Variants in PLXNA4 observed in about 807,000 individuals in gnomAD.
PLXNA4 encodes plexin A4, also known as plexin-A4.
Under a neutral mutation model 191.8 loss-of-function variants are expected in PLXNA4, and 44 were observed. That is an observed-to-expected ratio of 0.23 (90% confidence interval 0.18 to 0.29). PLXNA4 has a LOEUF of 0.29. Ranked by LOEUF, PLXNA4 falls within the 10% of genes least tolerant of loss-of-function variation. The pLI is 1.00. For missense variants in PLXNA4, 1,800 were observed against 2,488.8 expected (o/e 0.72, Z 5.89); for synonymous variants, 1,082 against 1,009.5 (o/e 1.07, Z -1.36).
chr7:132,234,427 G>A (rs1798627208), intron 5 of PLXNA4, among the ~76,000 whole-genome samples: 1 of 152,184 alleles, frequency 6.6e-6, no homozygotes. Flanking sequence ...GGGTGTGTAT[G>A]TCTGGAGTGA....
chr7:132,587,580 G>A (rs189782878), intron 2 of PLXNA4, among the ~76,000 whole-genome samples: 111 of 152,258 alleles, frequency 7.3e-4, no homozygotes, highest in Non-Finnish European at 1.5e-5. Flanking sequence ...GGTGCCATAA[G>A]CTTTGCATTG....
intron 2 of PLXNA4, among the ~76,000 whole-genome samples, chr7:132,644,873 C>G (rs1803835951): frequency 6.6e-6 from 1 of 152,226 alleles, no homozygotes; most frequent in Non-Finnish European, 1.5e-5. Context: ...ACCTCCCTCT[C>G]TCTCTCATAC....
At chr7:132,586,627 C>A (rs1802510600) in intron 2 of PLXNA4, among the ~76,000 whole-genome samples, 1 of 152,154 alleles carries the variant, frequency 6.6e-6, no homozygotes, top group African/African-American at 2.4e-5. Flanking sequence ...GTGGTGGGCA[C>A]CTGTAGTCCC....
chr7:132,473,414 T>C (rs183931343), intron 3 of PLXNA4, among the ~76,000 whole-genome samples: 98 of 152,266 alleles, frequency 6.4e-4, no homozygotes, highest in Middle Eastern at 3.4e-3. Flanking sequence ...TGGCGGCAGG[T>C]CCTTTGCTGG....
At chr7:132,413,089 G>A (rs1012933933) in intron 3 of PLXNA4, among the ~76,000 whole-genome samples, 5 of 152,068 alleles carry the variant, frequency 3.3e-5, no homozygotes, top group African/African-American at 4.8e-5. Flanking sequence ...GTTCATTCCC[G>A]ACACTGTCTC....
intron 2 of PLXNA4, 110 bp from the exon 3 acceptor site, chr7:132,489,584 G>T: frequency 2.1e-6 from 2 of 974,072 alleles, no homozygotes; most frequent in Non-Finnish European, 1.4e-6. Context: ...GAAACATCTG[G>T]TAACAATCCC....
rs546598113 is a variant in PLXNA4, at chr7:132,566,485, G to A, written c.-87+9937C>T. Among the ~76,000 whole-genome samples, 109 of 152,254 alleles carry A rather than the reference G, an allele frequency of 7.2e-4. 1 individual carries two copies. Among genetic ancestry groups the A allele is most frequent in the African/African-American group, 2.5e-3 (105 of 41,530 alleles). On this transcript the variant is annotated intron_variant, in intron 1 of 31. Coordinates refer to ENST00000321063, the MANE Select transcript of PLXNA4 (RefSeq NM_020911.2). The stretch of plus-strand genomic sequence containing the variant: ...GGATGGCAAAGTTTTCTCTTCCCAA[G>A]AGAAAATTTGTTTCAACCGTCCAAA...
intron 3 of PLXNA4, among the ~76,000 whole-genome samples, chr7:132,453,059 T>C (rs559930236): frequency 6.6e-6 from 1 of 152,138 alleles, no homozygotes; most frequent in Non-Finnish European, 1.5e-5. Flanking sequence ...TAGTTTTTGG[T>C]CATGGGGAAT....
chr7:132,443,843 A>T (rs562478545), intron 3 of PLXNA4, among the ~76,000 whole-genome samples: 2 of 152,296 alleles, frequency 1.3e-5, no homozygotes, highest in African/African-American at 4.8e-5. Flanking sequence ...CTTTTCAAAA[A>T]ATGTGTGCTT....
At chr7:132,152,562 T>TA (rs955798515) in intron 25 of PLXNA4, among the ~76,000 whole-genome samples, 3 of 152,182 alleles carry the variant, frequency 2.0e-5, no homozygotes, top group South Asian at 2.1e-4. Flanking sequence ...GTCTTGCCTA[T>TA]AAAAAATGTC....
chr7:132,635,814 A>G (rs898808525), intron 2 of PLXNA4, among the ~76,000 whole-genome samples: 10 of 152,236 alleles, frequency 6.6e-5, no homozygotes, highest in Non-Finnish European at 1.5e-4. Flanking sequence ...ATCACACAAC[A>G]GCAACAGCAT....
intron 2 of PLXNA4, among the ~76,000 whole-genome samples, chr7:132,611,812 G>T (rs978659038): frequency 2.0e-5 from 3 of 152,182 alleles, no homozygotes; most frequent in African/African-American, 7.2e-5. Context: ...GCTAAAAAGA[G>T]ATGCAGCTGC....
At position 132,145,248 on chromosome 7, in the gene PLXNA4, A is replaced by G; in HGVS notation, c.5096T>C (p.Ile1699Thr). The G allele has an allele frequency of 6.2e-7, 1 of 1,614,196 alleles. No homozygotes were observed. Among genetic ancestry groups the G allele is most frequent in the Non-Finnish European group, 8.5e-7 (1 of 1,180,022 alleles). The change falls in exon 29 of 32, where the codon ATC becomes ACC. Residue 1699 changes from isoleucine to threonine, a missense_variant. By Grantham distance (89) the Ile-to-Thr change is moderately conservative. This residue lies in a region of PLXNA4 where 101 missense variants were observed against 182.8 expected (regional missense o/e 0.55). Transcript: ENST00000321063. Reference sequence around the variant, plus strand: ...AGAGCCACGGTGTGCCGTGCTGAAGATGGTCTCAAAGAGGTCATCCACAAA... The same window carrying G: ...AGAGCCACGGTGTGCCGTGCTGAAGGTGGTCTCAAAGAGGTCATCCACAAA... ...QKFVDDLFET[I>T]FSTAHRGSAL...
At chr7:132,182,666 G>A (rs940898138) in intron 16 of PLXNA4, among the ~76,000 whole-genome samples, 2 of 152,160 alleles carry the variant, frequency 1.3e-5, no homozygotes, top group Non-Finnish European at 2.9e-5. Context: ...CAGGGCAATC[G>A]TTCTATAATT....
chr7:132,392,399 C>T (rs1183442797), intron 3 of PLXNA4, among the ~76,000 whole-genome samples: 1 of 152,222 alleles, frequency 6.6e-6, no homozygotes, highest in Non-Finnish European at 1.5e-5. Context: ...CCCAGCCTGT[C>T]TTTCAGACTC....
intron 3 of PLXNA4, among the ~76,000 whole-genome samples, chr7:132,373,382 T>C (rs1804522755): frequency 6.6e-6 from 1 of 152,166 alleles, no homozygotes; most frequent in Non-Finnish European, 1.5e-5. Flanking sequence ...TAGTGCCTCA[T>C]GCCCTAAGAT....
chr7:132,487,507 C>T (rs1394357469), intron 3 of PLXNA4, among the ~76,000 whole-genome samples: 1 of 152,222 alleles, frequency 6.6e-6, no homozygotes, highest in African/African-American at 2.4e-5. Flanking sequence ...CCAAATCCTA[C>T]TGAAGAATCG....
intron 3 of PLXNA4, among the ~76,000 whole-genome samples, chr7:132,443,968 A>G (rs1320121616): frequency 6.6e-6 from 1 of 152,234 alleles, no homozygotes; most frequent in Non-Finnish European, 1.5e-5. Flanking sequence ...ACAAAGCCAC[A>G]TCCACCTCAG....
chr7:132,380,795 C>A, intron 3 of PLXNA4, among the ~76,000 whole-genome samples: 1 of 152,226 alleles, frequency 6.6e-6, no homozygotes, highest in South Asian at 2.1e-4. Flanking sequence ...CAAAACAGAG[C>A]ACCTGCCTCA....
Sources: gnomAD v4.1 joint callset for allele counts (sites outside exome capture counted in the v4.1 genomes callset) on GRCh38, gnomAD v4.1.1 for gene constraint, gnomAD v4.1.1 regional missense constraint, MANE v1.5 for transcripts, NCBI Gene and HGNC (gene_info 2026-07-23, HGNC 2026-07-21) for gene names.